Variants in CEP350 observed in about 807,000 individuals in gnomAD.
The protein encoded by CEP350 is centrosome-associated protein 350.
A neutral mutation model predicts 331.8 loss-of-function variants in CEP350; 126 were observed. The ratio of observed to expected loss-of-function variants is 0.38; its 90% CI spans 0.33 to 0.44. The LOEUF (loss-of-function observed/expected upper bound fraction) is 0.44, where lower values mean the gene tolerates loss of function less well. Ranked by LOEUF, CEP350 falls within the 20% of genes least tolerant of loss-of-function variation. The probability of loss-of-function intolerance (pLI) is 1.00; values close to 1 mark genes in which losing one functional copy is unlikely to be tolerated. For missense variants in CEP350, 3,406 were observed against 3,634.6 expected (o/e 0.94, Z 1.62); for synonymous variants, 1,200 against 1,259.5 (o/e 0.95, Z 1.00).
At chr1:179,959,051 A>G (rs1429034695) in intron 1 of CEP350, among the ~76,000 whole-genome samples, 1 of 151,940 alleles carries the variant, frequency 6.6e-6, no homozygotes, top group East Asian at 1.9e-4. Context: ...AAGGAAGTAA[A>G]TTTTTTCTTC....
intron 29 of CEP350, 109 bp downstream of exon 29, chr1:180,078,783 T>C (rs967542599): frequency 4.7e-6 from 4 of 856,906 alleles, no homozygotes; most frequent in Middle Eastern, 3.6e-4. Context: ...TCACCATACT[T>C]GTAACATATA....
At chr1:180,082,774 A>G (rs1199043728) in intron 30 of CEP350, among the ~76,000 whole-genome samples, 1 of 152,224 alleles carries the variant, frequency 6.6e-6, no homozygotes, top group Non-Finnish European at 1.5e-5. Context: ...TTTTAAAAAT[A>G]TTAATTTAAA....
At chr1:180,012,860 GAT>G (rs1654747772) in intron 9 of CEP350, among the ~76,000 whole-genome samples, 1 of 152,156 alleles carries the variant, frequency 6.6e-6, no homozygotes, top group African/African-American at 2.4e-5. Flanking sequence ...CATGTTATCA[GAT>G]AATTTGATGA....
intron 37 of CEP350, among the ~76,000 whole-genome samples, chr1:180,110,172 A>G (rs575177334): frequency 6.6e-6 from 1 of 152,348 alleles, no homozygotes; most frequent in African/African-American, 2.4e-5. Flanking sequence ...TTCATTTATT[A>G]TAATACCCCA....
chr1:180,057,505 T>C (rs1234642719), intron 25 of CEP350, among the ~76,000 whole-genome samples: 1 of 151,718 alleles, frequency 6.6e-6, no homozygotes, highest in African/African-American at 2.4e-5. Context: ...ATTATTACTA[T>C]TGTCTGTTTT....
chr1:180,064,134 CTTTGGACTCTGGCTCTTGT>C, intron 26 of CEP350, among the ~76,000 whole-genome samples: 1 of 152,130 alleles, frequency 6.6e-6, no homozygotes. Flanking sequence ...TCCTTGCTCT[CTTTGGACTCTGGCTCTTGT>C]GCTAGGAAGT....
intron 11 of CEP350, among the ~76,000 whole-genome samples, chr1:180,019,600 A>C: frequency 6.6e-6 from 1 of 152,172 alleles, no homozygotes; most frequent in East Asian, 1.9e-4. Flanking sequence ...CTGTTTATAG[A>C]ATTTTAAAGA....
At chr1:180,027,617 T>C (rs1655765628) in intron 14 of CEP350, among the ~76,000 whole-genome samples, 1 of 152,194 alleles carries the variant, frequency 6.6e-6, no homozygotes, top group African/African-American at 2.4e-5. Context: ...ACTCCTGGGC[T>C]CAAGCAATCC....
intron 17 of CEP350, 114 bp downstream of exon 17, chr1:180,037,203 T>A: frequency 1.2e-6 from 1 of 847,978 alleles, no homozygotes; most frequent in Non-Finnish European, 1.7e-6. Context: ...GTCTGCCATA[T>A]AGCACCTATA....
chr1:179,970,307 T>G (rs1462268555), intron 1 of CEP350, among the ~76,000 whole-genome samples: 1 of 152,232 alleles, frequency 6.6e-6, no homozygotes, highest in South Asian at 2.1e-4. Flanking sequence ...GAGGTTTATA[T>G]TTTATAAGTA....
chr1:180,090,709 G>C lies in CEP350; in HGVS notation c.6426-5G>C. On this transcript the variant is annotated splice_polypyrimidine_tract_variant and splice_region_variant and intron_variant, in intron 32 of 37. Coordinates refer to ENST00000367607, the MANE Select transcript of CEP350 (RefSeq NM_014810.5). ...TATTTCTGCTCATTAATTTTTACAC[G>C]TCAGATCTGAAACGGCAAAGAATTG... The C allele has an allele frequency of 6.5e-7, 1 of 1,544,768 alleles. No individual in the cohort carries two copies. The highest frequency in any genetic ancestry group is 8.7e-7 in the Non-Finnish European group (1 of 1,144,106).
chr1:179,958,168 T>TC, intron 1 of CEP350, among the ~76,000 whole-genome samples: 1 of 152,290 alleles, frequency 6.6e-6, no homozygotes, highest in African/African-American at 2.4e-5. Context: ...GCCTTTTTTT[T>TC]CATGAATCCA....
intron 26 of CEP350, among the ~76,000 whole-genome samples, chr1:180,064,084 TC>T (rs1658400276): frequency 6.6e-6 from 1 of 152,094 alleles, no homozygotes; most frequent in Admixed American, 6.6e-5. Context: ...GGGCTCTGAC[TC>T]CCCAAGTTGG....
chr1:179,980,249 T>A (rs748106729), intron 1 of CEP350, among the ~76,000 whole-genome samples: 50 of 151,972 alleles, frequency 3.3e-4, no homozygotes, highest in Middle Eastern at 3.2e-3. Flanking sequence ...ATTTTTTACC[T>A]CCTTGGTTAA....
At chr1:180,004,686 A>T (rs1654089550) in intron 7 of CEP350, among the ~76,000 whole-genome samples, 1 of 152,190 alleles carries the variant, frequency 6.6e-6, no homozygotes, top group African/African-American at 2.4e-5. Flanking sequence ...AATATTTAAT[A>T]CTAATTTGTT....
At chr1:180,098,157 A>G (rs1389472612) in intron 36 of CEP350, among the ~76,000 whole-genome samples, 1 of 152,064 alleles carries the variant, frequency 6.6e-6, no homozygotes, top group Non-Finnish European at 1.5e-5. Context: ...TTTAGTAGAG[A>G]CAGGGTTTCT....
At chr1:180,083,057 G>A (rs1398742044) in intron 30 of CEP350, among the ~76,000 whole-genome samples, 1 of 152,124 alleles carries the variant, frequency 6.6e-6, no homozygotes, top group Non-Finnish European at 1.5e-5. Context: ...TAATCTTTTT[G>A]CATTTAAATA....
Position 180,094,135 on chromosome 1 carries a change from T to C in CEP350, c.8030T>C (p.Val2677Ala). 16 of 1,613,614 alleles carry C rather than the reference T, an allele frequency of 9.9e-6. No individual in the cohort carries two copies. Among genetic ancestry groups the C allele is most frequent in the Non-Finnish European group, 1.4e-5 (16 of 1,179,764 alleles). ...KDLISDATEK[V>A]SIAAEDDTLD... is the part of the protein sequence containing the mutation. The stretch of plus-strand genomic sequence containing the variant: ...CTCATTTCTGATGCCACAGAAAAGG[T>C]TTCCATCGCTGCAGAAGATGACACT... The change falls in exon 34 of 38, where the codon GTT (valine) becomes GCT (alanine). Residue 2677 changes from valine to alanine, a missense_variant. Physicochemically the swap from Val to Ala is moderately conservative, Grantham distance 64. Transcript: ENST00000367607.
At chr1:180,019,885 TA>T (rs951228512) in intron 11 of CEP350, 63 bp from the exon 12 acceptor site, 549 of 1,294,964 alleles carry the variant, frequency 4.2e-4, no homozygotes, top group African/African-American at 1.3e-3. Context: ...TATAATCAGA[TA>T]AAAAAAAAAC....
Sources: allele counts gnomAD v4.1 joint callset (sites outside exome capture counted in the v4.1 genomes callset), GRCh38; gene constraint gnomAD v4.1.1; transcripts MANE v1.5; gene names NCBI Gene and HGNC (gene_info 2026-07-23, HGNC 2026-07-21).